Variants in PID1 observed in about 807,000 individuals in gnomAD.
PID1 encodes the protein phosphotyrosine interaction domain containing 1.
Under a neutral mutation model 19.1 loss-of-function variants are expected in PID1, and 10 were observed. The observed-to-expected ratio is 0.52, with a 90% CI of 0.32 to 0.89. The LOEUF (loss-of-function observed/expected upper bound fraction) is 0.89. PID1 is among the 40% of genes least tolerant of loss of function. PID1 has a pLI of 0.03. For missense variants in PID1, 248 were observed against 285.3 expected (o/e 0.87, Z 0.94); for synonymous variants, 130 against 116.0 (o/e 1.12, Z -0.78).
chr2:229,048,593 G>A (rs1297630190), intron 2 of PID1, among the ~76,000 whole-genome samples: 1 of 152,120 alleles, frequency 6.6e-6, no homozygotes, highest in East Asian at 1.9e-4. Context: ...CGGCAGGAAG[G>A]GACTGAAATT....
intron 1 of PID1, among the ~76,000 whole-genome samples, chr2:229,177,953 A>G (rs974438345): frequency 5.3e-5 from 8 of 152,222 alleles, no homozygotes; most frequent in African/African-American, 1.9e-4. Flanking sequence ...AAATGCCCCA[A>G]ACTGGGCCAC....
chr2:229,236,977 TACACACACATACACACAC>T (rs747751887), intron 1 of PID1, among the ~76,000 whole-genome samples: 25 of 56,744 alleles, frequency 4.4e-4, no homozygotes, highest in Non-Finnish European at 6.3e-4. Context: ...CCTTCTCCTT[TACACACACATACACACAC>T]ACACACACAC....
At chr2:229,124,754 T>C (rs1695588559) in intron 2 of PID1, among the ~76,000 whole-genome samples, 1 of 152,194 alleles carries the variant, frequency 6.6e-6, no homozygotes, top group African/African-American at 2.4e-5. Context: ...AAATTAAATA[T>C]TCTCAGTTCA....
At chr2:229,263,061 A>T (rs1251763031) in intron 1 of PID1, among the ~76,000 whole-genome samples, 1 of 152,228 alleles carries the variant, frequency 6.6e-6, no homozygotes, top group Non-Finnish European at 1.5e-5. Flanking sequence ...TCAACCTTCA[A>T]CAATGAATAA....
In PID1 at chr2:229,170,083, G is replaced by A. The variant is rs111946997; in HGVS notation, c.31-14119C>T. The stretch of plus-strand genomic sequence containing the variant: ...GCATCATCGCTTAGAACTATGAAAC[G>A]GAAACCTTTATAATCAGAAAATCCA... On this transcript the variant is annotated intron_variant, in intron 1 of 2. Transcript: ENST00000392055. 6.0e-3 allele frequency among the ~76,000 whole-genome samples: 919 copies of A among 152,192 alleles called. 12 individuals are homozygous for A. The highest frequency in any genetic ancestry group is 0.021 in the African/African-American group (871 of 41,510).
chr2:229,051,043 T>A (rs1156903207), intron 2 of PID1, among the ~76,000 whole-genome samples: 1 of 152,194 alleles, frequency 6.6e-6, no homozygotes, highest in African/African-American at 2.4e-5. Context: ...CTAGTCTGAA[T>A]TCCGAATTTC....
chr2:229,088,349 G>C (rs1048570474), intron 2 of PID1, among the ~76,000 whole-genome samples: 1 of 152,072 alleles, frequency 6.6e-6, no homozygotes, highest in Non-Finnish European at 1.5e-5. Flanking sequence ...AAATGCCTTA[G>C]ATAAGAAATC....
chr2:229,128,605 A>T (rs1394182235), intron 2 of PID1, among the ~76,000 whole-genome samples: 3 of 152,264 alleles, frequency 2.0e-5, no homozygotes, highest in Non-Finnish European at 4.4e-5. Flanking sequence ...CGCTATACAA[A>T]GAACCATGAG....
chr2:229,159,497 A>G (rs1305818783), intron 1 of PID1, among the ~76,000 whole-genome samples: 1 of 152,236 alleles, frequency 6.6e-6, no homozygotes, highest in Non-Finnish European at 1.5e-5. Context: ...AGAAGAAAAT[A>G]TTCCTCCTAT....
chr2:229,255,035 TA>T (rs2106286807), intron 1 of PID1, among the ~76,000 whole-genome samples: 1 of 152,290 alleles, frequency 6.6e-6, no homozygotes, highest in Non-Finnish European at 1.5e-5. Flanking sequence ...GAGTGTGCAA[TA>T]TTTTTTCAAA....
chr2:229,155,742 G>T, intron 2 of PID1, 76 bp downstream of exon 2: 1 of 1,294,126 alleles, frequency 7.7e-7, no homozygotes, highest in South Asian at 1.5e-5. Context: ...TTACCATTGT[G>T]AAACATAGGT....
intron 2 of PID1, among the ~76,000 whole-genome samples, chr2:229,049,696 G>A (rs1466590767): frequency 6.6e-6 from 1 of 152,152 alleles, no homozygotes; most frequent in Non-Finnish European, 1.5e-5. Context: ...AAATCTAGAG[G>A]TTAACCTCTT....
chr2:229,150,650 T>G (rs1265430902), intron 2 of PID1, among the ~76,000 whole-genome samples: 1 of 152,142 alleles, frequency 6.6e-6, no homozygotes, highest in African/African-American at 2.4e-5. Context: ...ATAAAAGACA[T>G]ATGTTATGTG....
chr2:229,140,492 C>CACAT (rs1689989673), intron 2 of PID1, among the ~76,000 whole-genome samples: 1 of 152,026 alleles, frequency 6.6e-6, no homozygotes, highest in South Asian at 2.1e-4. Context: ...AGAGTGCACA[C>CACAT]ACACACACAC....
chr2:229,122,757 C>T (rs925426570), intron 2 of PID1, among the ~76,000 whole-genome samples: 1 of 152,162 alleles, frequency 6.6e-6, no homozygotes, highest in African/African-American at 2.4e-5. Flanking sequence ...TTAGCCAACC[C>T]TATGCCCTGA....
chr2:229,054,528 A>T (rs945928446), intron 2 of PID1, among the ~76,000 whole-genome samples: 3 of 152,152 alleles, frequency 2.0e-5, no homozygotes, highest in African/African-American at 7.2e-5. Context: ...TGGTGGTCAA[A>T]GTCAACCGCA....
intron 2 of PID1, among the ~76,000 whole-genome samples, chr2:229,041,407 T>A (rs547876662): frequency 6.6e-6 from 1 of 152,264 alleles, no homozygotes; most frequent in Non-Finnish European, 1.5e-5. Context: ...TAGGAATCCA[T>A]GAATCAATAT....
At chr2:229,195,275 C>T (rs954727683) in intron 1 of PID1, among the ~76,000 whole-genome samples, 7 of 151,666 alleles carry the variant, frequency 4.6e-5, no homozygotes, top group African/African-American at 1.5e-4. Context: ...CCATTGAAAC[C>T]TCATTTTTTA....
rs531803537 is a variant in PID1, at chr2:229,260,269, T to C, written c.30+10745A>G. Among the ~76,000 whole-genome samples the C allele has an allele frequency of 1.5e-3, 227 of 151,756 alleles. 1 individual carries two copies. Among genetic ancestry groups the C allele is most frequent in the African/African-American group, 5.2e-3 (216 of 41,396 alleles). On this transcript the variant is annotated intron_variant, in intron 1 of 2. Transcript: ENST00000392055. ...CAAAAATTTATAGCAGTATTATTTA[T>C]AGGGAAAAAAAACAGAACATGAACA...
Sources: allele counts gnomAD v4.1 joint callset (sites outside exome capture counted in the v4.1 genomes callset), GRCh38; gene constraint gnomAD v4.1.1; transcripts MANE v1.5; gene names NCBI Gene and HGNC (gene_info 2026-07-23, HGNC 2026-07-21).